Variants in SNAP47 observed in about 807,000 individuals in gnomAD.
SNAP47 encodes the protein synaptosome associated protein 47, also known as synaptosomal-associated protein 47.
SNAP47 carries 20 observed loss-of-function variants against 31.4 expected under a neutral mutation model. The ratio of observed to expected loss-of-function variants is 0.64; its 90% confidence interval spans 0.45 to 0.93. SNAP47 has a LOEUF of 0.93. Ranked by LOEUF, SNAP47 falls within the 40% of genes least tolerant of loss-of-function variation. The pLI is 0.00. For missense variants in SNAP47, 492 were observed against 528.5 expected, an observed-to-expected ratio of 0.93 and a Z score of 0.68; for synonymous variants, 194 against 213.4, an observed-to-expected ratio of 0.91 and a Z score of 0.79.
At chr1:227,738,175 A>G (rs542683422) in intron 1 of SNAP47, among the ~76,000 whole-genome samples, 1 of 152,146 alleles carries the variant, frequency 6.6e-6, no homozygotes, top group South Asian at 2.1e-4. Flanking sequence ...CTGAGTAGCG[A>G]AGATTACAGG....
chr1:227,766,751 G>T (rs1160709386), intron 3 of SNAP47, among the ~76,000 whole-genome samples: 1 of 152,250 alleles, frequency 6.6e-6, no homozygotes, highest in South Asian at 2.1e-4. Flanking sequence ...GAGGTACAGA[G>T]TGGCCACCGT....
intron 4 of SNAP47, among the ~76,000 whole-genome samples, chr1:227,774,240 A>G (rs1008731949): frequency 6.6e-6 from 1 of 152,160 alleles, no homozygotes; most frequent in Non-Finnish European, 1.5e-5. Context: ...CTGTTTCTGT[A>G]TGGATCCTCT....
chr1:227,741,628 G>A lies in SNAP47; in HGVS notation c.-45-6064G>A, dbSNP rs1661605772. Among the ~76,000 whole-genome samples the A allele has an allele frequency of 6.6e-6, 1 of 152,146 alleles. No individual in the cohort carries two copies. The highest frequency in any genetic ancestry group is 2.1e-4 in the South Asian group (1 of 4,824). Reference sequence around the variant, plus strand: ...AGGTCTGGGGGCTGAGAGAGAGAGGGTGGGATCAGGGCCCCGGGAGGAGGG... The same window carrying A: ...AGGTCTGGGGGCTGAGAGAGAGAGGATGGGATCAGGGCCCCGGGAGGAGGG... On this transcript the variant is annotated intron_variant, in intron 1 of 4. Transcript: ENST00000617596. The surrounding 1 kb of genome is among the most constrained non-coding windows in gnomAD (Gnocchi z 4.2).
intron 2 of SNAP47, among the ~76,000 whole-genome samples, chr1:227,749,033 A>G (rs1376115500): frequency 6.6e-6 from 1 of 151,872 alleles, no homozygotes; most frequent in Non-Finnish European, 1.5e-5. Flanking sequence ...CCTACCATTT[A>G]TCATTTGTAC....
chr1:227,733,700 C>G, upstream of SNAP47: 1 of 1,599,186 alleles, frequency 6.3e-7, no homozygotes, highest in Non-Finnish European at 8.5e-7. Flanking sequence ...GCAAGAGCGC[C>G]TGGTTCATGC....
chr1:227,747,976 C>G lies in SNAP47; in HGVS notation c.240C>G (p.Phe80Leu). 3 of 1,614,254 alleles carry G rather than the reference C, an allele frequency of 1.9e-6. No homozygotes were observed. Among genetic ancestry groups the G allele is most frequent in the Non-Finnish European group, 2.5e-6 (3 of 1,180,046 alleles). The change falls in exon 2 of 5, where the codon TTC becomes TTG. Residue 80 changes from phenylalanine to leucine, a missense_variant. Physicochemically the swap from Phe to Leu is conservative, Grantham distance 22 (BLOSUM62 0). Transcript: ENST00000617596. ...AGAAGGGCCATGCCAAGCACTGGTTCAGCTCCCTGCGGCCAAGTCGAAATG... is the reference window on the plus strand; with the variant it reads ...AGAAGGGCCATGCCAAGCACTGGTTGAGCTCCCTGCGGCCAAGTCGAAATG... Reference protein sequence around the residue: ...ILEKGHAKHWFSSLRPSRNVV... With the variant: ...ILEKGHAKHWLSSLRPSRNVV...
At chr1:227,735,275 C>A, upstream of SNAP47, 1 of 1,606,444 alleles carries the variant, frequency 6.2e-7, no homozygotes, top group Non-Finnish European at 8.5e-7. Flanking sequence ...GCGGTCCATC[C>A]AGCTCAGCAC....
intron 4 of SNAP47, among the ~76,000 whole-genome samples, chr1:227,770,329 C>T (rs1663717104): frequency 6.6e-6 from 1 of 152,172 alleles, no homozygotes; most frequent in Non-Finnish European, 1.5e-5. Context: ...ACTTGGGGCT[C>T]AGGTAGGGCT....
intron 4 of SNAP47, among the ~76,000 whole-genome samples, chr1:227,772,772 G>C (rs1212742026): frequency 6.6e-6 from 1 of 152,156 alleles, no homozygotes; most frequent in African/African-American, 2.4e-5. Flanking sequence ...TTATTCTTCT[G>C]TGTGTCCAGA....
intron 2 of SNAP47, among the ~76,000 whole-genome samples, chr1:227,751,403 G>A (rs925429950): frequency 6.6e-6 from 1 of 152,210 alleles, no homozygotes; most frequent in Non-Finnish European, 1.5e-5. Flanking sequence ...TGTGTGCTGA[G>A]GAGCACAGCA....
intron 1 of SNAP47, among the ~76,000 whole-genome samples, chr1:227,743,079 C>T (rs1464558509): frequency 1.3e-5 from 2 of 152,152 alleles, no homozygotes; most frequent in African/African-American, 4.8e-5. Flanking sequence ...AAGGTCTTGG[C>T]GCCCTCTTCT....
In SNAP47 at chr1:227,780,834, A is replaced by T; in HGVS notation, c.*161A>T. Reference sequence around the variant, plus strand: ...CTGCTTCTGCACCAGGGGCCTCCCCAGGTGTGCACCATGCCTGCCTCCCAC... The same window carrying T: ...CTGCTTCTGCACCAGGGGCCTCCCCTGGTGTGCACCATGCCTGCCTCCCAC... On this transcript the variant is annotated 3_prime_UTR_variant, in exon 5 of 5. Transcript: ENST00000617596. The T allele has an allele frequency of 2.1e-6, 2 of 969,172 alleles. No individual in the cohort carries two copies. The highest frequency in any genetic ancestry group is 3.0e-6 in the Non-Finnish European group (2 of 672,076). 60.0% of individuals were successfully genotyped at this position (969,172 alleles called of 1,614,324 possible). A position where few individuals can be genotyped will look rare whatever the true frequency, so the allele number is the denominator to read the frequency against.
At chr1:227,732,031 G>A (rs747307710), upstream of SNAP47, 4 of 322,672 alleles carry the variant, frequency 1.2e-5, no homozygotes, top group Non-Finnish European at 1.8e-5. Flanking sequence ...CCTGAGACGA[G>A]GGGACAGGGC....
At chr1:227,734,765 T>C (rs1660955834), upstream of SNAP47, 1 of 1,614,010 alleles carries the variant, frequency 6.2e-7, no homozygotes. Context: ...CTCTTTGGGG[T>C]TCGAGTTGTA....
At chr1:227,734,963 G>GT (rs1460150833), upstream of SNAP47, 1 of 1,499,654 alleles carries the variant, frequency 6.7e-7, no homozygotes, top group Non-Finnish European at 8.9e-7. Flanking sequence ...CCGGGCCTGG[G>GT]TCCCGCCGGC....
chr1:227,758,976 GT>G lies in SNAP47; in HGVS notation c.498-15del. 6.4e-7 allele frequency: 1 copy of G among 1,560,806 alleles called. No homozygotes were observed. Among genetic ancestry groups the G allele is most frequent in the East Asian group, 2.3e-5 (1 of 44,366 alleles). ...AAAATGAACTGATCCAGTTTTCCAT[GT>G]TTTGTTTGCTTTTTCAGATTGCTGA... is the stretch of plus-strand genomic sequence containing the variant. On this transcript the variant is annotated intron_variant, in intron 2 of 4. Transcript: ENST00000617596.
intron 1 of SNAP47, among the ~76,000 whole-genome samples, chr1:227,742,933 G>T (rs755935014): frequency 1.1e-4 from 16 of 152,234 alleles, no homozygotes; most frequent in Non-Finnish European, 2.2e-4. Flanking sequence ...GGCATCATGG[G>T]TCCTGTGTGT....
chr1:227,748,318 T>G, intron 2 of SNAP47, 85 bp downstream of exon 2: 1 of 1,386,938 alleles, frequency 7.2e-7, no homozygotes, highest in Non-Finnish European at 9.6e-7. Context: ...TCCAGGCCAC[T>G]GCACCATATT....
At chr1:227,766,466 C>T (rs1046033755) in intron 3 of SNAP47, among the ~76,000 whole-genome samples, 8 of 152,192 alleles carry the variant, frequency 5.3e-5, no homozygotes, top group Non-Finnish European at 1.2e-4. Flanking sequence ...CACCCAGGTC[C>T]TCTCTGAGCC....
Sources: gnomAD v4.1 joint callset for allele counts (sites outside exome capture counted in the v4.1 genomes callset) on GRCh38, gnomAD v4.1.1 for gene constraint, Gnocchi (gnomAD v3.1) non-coding constraint, MANE v1.5 for transcripts, NCBI Gene and HGNC (gene_info 2026-07-23, HGNC 2026-07-21) for gene names.